The following GALNTL6 variants were observed in gnomAD, a reference collection of about 807,000 sequenced individuals.
GALNTL6 encodes polypeptide N-acetylgalactosaminyltransferase like 6.
GALNTL6 carries 46 observed loss-of-function variants against 73.7 expected under a neutral mutation model. The ratio of observed to expected loss-of-function variants is 0.62; its 90% CI spans 0.49 to 0.80. The LOEUF is 0.80. Among genes scored for constraint, GALNTL6 ranks in the 30% least tolerant of loss-of-function variants. The pLI, the probability that GALNTL6 is intolerant of heterozygous loss-of-function variation, is 0.00. For synonymous variants in GALNTL6, 259 were observed against 263.7 expected (o/e 0.98, Z 0.17); for missense variants, 604 against 755.0 (o/e 0.80, Z 2.34).
At chr4:172,331,151 G>A (rs571108403) in intron 4 of GALNTL6, among the ~76,000 whole-genome samples, 63 of 147,592 alleles carry the variant, frequency 4.3e-4, no homozygotes, top group South Asian at 8.5e-4. Context: ...TTCATTTTTT[G>A]TTCTTTTAAT....
chr4:172,043,607 C>T (rs1351309093), intron 2 of GALNTL6, among the ~76,000 whole-genome samples: 2 of 151,940 alleles, frequency 1.3e-5, no homozygotes, highest in Non-Finnish European at 2.9e-5. Context: ...ATACGGGTTA[C>T]AAATGTTAAA....
chr4:171,928,808 C>G (rs1738074099), intron 2 of GALNTL6, among the ~76,000 whole-genome samples: 1 of 152,126 alleles, frequency 6.6e-6, no homozygotes, highest in African/African-American at 2.4e-5. Context: ...ATACGCTATA[C>G]CACAGAGCCT....
intron 5 of GALNTL6, among the ~76,000 whole-genome samples, chr4:172,606,198 A>C (rs756785093): frequency 6.6e-6 from 1 of 152,138 alleles, no homozygotes; most frequent in Non-Finnish European, 1.5e-5. Context: ...ATGAGAAATT[A>C]ATACAATTTT....
intron 2 of GALNTL6, among the ~76,000 whole-genome samples, chr4:171,866,187 T>TA (rs913538666): frequency 5.3e-5 from 8 of 152,170 alleles, no homozygotes; most frequent in South Asian, 4.2e-4. Flanking sequence ...TGTTTTAAAA[T>TA]AAAAAAATTG....
chr4:172,604,295 G>A (rs1738179399), intron 5 of GALNTL6, among the ~76,000 whole-genome samples: 1 of 152,096 alleles, frequency 6.6e-6, no homozygotes, highest in African/African-American at 2.4e-5. Context: ...ATATCTAGGT[G>A]TCTCTGTTAT....
chr4:172,027,333 T>C (rs1741618987), intron 2 of GALNTL6, among the ~76,000 whole-genome samples: 1 of 152,186 alleles, frequency 6.6e-6, no homozygotes, highest in Admixed American at 6.6e-5. Flanking sequence ...AGTCACATTT[T>C]GATAATCCTC....
At chr4:172,237,174 C>T (rs1165046840) in intron 3 of GALNTL6, among the ~76,000 whole-genome samples, 1 of 152,182 alleles carries the variant, frequency 6.6e-6, no homozygotes, top group Non-Finnish European at 1.5e-5. Context: ...CTGCAGTGAA[C>T]ATACACATTC....
At chr4:173,034,097 C>T (rs375174333) in intron 12 of GALNTL6, among the ~76,000 whole-genome samples, 1 of 152,200 alleles carries the variant, frequency 6.6e-6, no homozygotes, top group Non-Finnish European at 1.5e-5. Context: ...CTCCCTCTAC[C>T]TCAACCTCCA....
intron 5 of GALNTL6, among the ~76,000 whole-genome samples, chr4:172,736,826 C>T (rs907109716): frequency 7.2e-5 from 11 of 152,126 alleles, no homozygotes; most frequent in Admixed American, 4.6e-4. Flanking sequence ...CCTGACTTCC[C>T]GCAATAGTGG....
intron 8 of GALNTL6, among the ~76,000 whole-genome samples, chr4:172,914,421 G>A (rs1373346677): frequency 3.9e-5 from 6 of 152,154 alleles, no homozygotes; most frequent in Non-Finnish European, 8.8e-5. Flanking sequence ...ATGTAAATGG[G>A]CTACATGCCC....
chr4:172,465,799 G>C (rs1357813822), intron 5 of GALNTL6, among the ~76,000 whole-genome samples: 1 of 152,134 alleles, frequency 6.6e-6, no homozygotes, highest in Non-Finnish European at 1.5e-5. Flanking sequence ...AATAATACAA[G>C]TTTTTCTGAA....
chr4:172,502,776 G>A (rs1013259093), intron 5 of GALNTL6, among the ~76,000 whole-genome samples: 34 of 152,154 alleles, frequency 2.2e-4, no homozygotes, highest in African/African-American at 8.2e-4. Context: ...TTAAACGTTA[G>A]CATCAAATGT....
intron 4 of GALNTL6, among the ~76,000 whole-genome samples, chr4:172,328,919 G>A (rs1454391517): frequency 6.6e-6 from 1 of 152,148 alleles, no homozygotes; most frequent in Non-Finnish European, 1.5e-5. Flanking sequence ...GTTGTTTGGA[G>A]AACATAAAAC....
chr4:172,350,697 C>T (rs1363777753), intron 5 of GALNTL6, among the ~76,000 whole-genome samples: 1 of 152,034 alleles, frequency 6.6e-6, no homozygotes, highest in African/African-American at 2.4e-5. Context: ...TGATAAAATG[C>T]TTCTATAATC....
intron 9 of GALNTL6, among the ~76,000 whole-genome samples, chr4:172,950,577 C>T (rs763262261): frequency 1.7e-4 from 26 of 152,082 alleles, no homozygotes; most frequent in African/African-American, 4.3e-4. Context: ...ACTGAACACA[C>T]GGAGTGGATG....
At chr4:172,492,002 A>G (rs1383917809) in intron 5 of GALNTL6, among the ~76,000 whole-genome samples, 1 of 152,174 alleles carries the variant, frequency 6.6e-6, no homozygotes, top group Non-Finnish European at 1.5e-5. Flanking sequence ...ATATCCATTG[A>G]GTGGTTCTAA....
intron 7 of GALNTL6, among the ~76,000 whole-genome samples, chr4:172,864,543 A>G (rs1285143998): frequency 6.6e-6 from 1 of 152,248 alleles, no homozygotes; most frequent in Non-Finnish European, 1.5e-5. Context: ...CATTCTGCTT[A>G]TATAACAGTT....
chr4:172,497,708 C>T (rs1734114063), intron 5 of GALNTL6, among the ~76,000 whole-genome samples: 1 of 152,164 alleles, frequency 6.6e-6, no homozygotes, highest in Non-Finnish European at 1.5e-5. Flanking sequence ...TTATAATCCT[C>T]ATTTTTCTCT....
At chr4:172,565,757 T>TA (rs35753455) in intron 5 of GALNTL6, among the ~76,000 whole-genome samples, 67,700 of 151,890 alleles carry the variant, frequency 0.45, 17,429 homozygotes, top group East Asian at 0.67. Flanking sequence ...TTGGGAGGTT[T>TA]ATGGTTATTG....
Sources: allele counts gnomAD v4.1 joint callset (sites outside exome capture counted in the v4.1 genomes callset), GRCh38; gene constraint gnomAD v4.1.1; transcripts MANE v1.5; gene names NCBI Gene and HGNC (gene_info 2026-07-23, HGNC 2026-07-21).